BEND3: variants seen among roughly 807,000 people sequenced by gnomAD.
The protein encoded by BEND3 is BEN domain-containing protein 3.
A neutral mutation model predicts 60.1 loss-of-function variants in BEND3; 13 were observed. The observed-to-expected ratio is 0.22, with a 90% CI of 0.14 to 0.34. The LOEUF is 0.34. Ranked by LOEUF, BEND3 falls within the 10% of genes least tolerant of loss-of-function variation. The pLI is 1.00. For missense variants in BEND3, 896 were observed against 1,138.1 expected (o/e 0.79, Z 3.06); for synonymous variants, 497 against 491.5 (o/e 1.01, Z -0.15).
intron 1 of BEND3, among the ~76,000 whole-genome samples, chr6:107,105,838 C>T (rs1441749369): frequency 6.6e-6 from 1 of 152,190 alleles, no homozygotes; most frequent in Non-Finnish European, 1.5e-5. Flanking sequence ...CACTCAGGGG[C>T]AAATCCCCCT....
chr6:107,072,069 A>G (rs1340149294), intron 3 of BEND3, among the ~76,000 whole-genome samples: 1 of 152,202 alleles, frequency 6.6e-6, no homozygotes, highest in Non-Finnish European at 1.5e-5. Context: ...CGACCCAGAT[A>G]CTTATGTAAA....
intron 3 of BEND3, among the ~76,000 whole-genome samples, chr6:107,085,008 T>C (rs551916752): frequency 6.6e-6 from 1 of 152,350 alleles, no homozygotes; most frequent in East Asian, 1.9e-4. Flanking sequence ...TCTTTGGGTC[T>C]GCAGTACCTT....
chr6:107,082,936 T>A (rs1775263247), intron 3 of BEND3, among the ~76,000 whole-genome samples: 1 of 152,184 alleles, frequency 6.6e-6, no homozygotes, highest in African/African-American at 2.4e-5. Context: ...CTTTAGGAAA[T>A]TAACATACTG....
rs782401881 is a variant in BEND3 at position 107,068,684 on chromosome 6, T to G, written c.*20A>C. On this transcript the variant is annotated 3_prime_UTR_variant, in exon 4 of 4. Transcript: ENST00000369042. This position sits in a 1 kb window ranked among gnomAD's most constrained non-coding sequence, Gnocchi z 5.8. The stretch of plus-strand genomic sequence containing the variant: ...GCTCAGCCTCTGGTGACCCCGAATC[T>G]CTGGGCAGGTCACGGGCCTTCACTT... 1.2e-6 allele frequency: 2 copies of G among 1,604,466 alleles called. No individual in the cohort carries two copies. The highest frequency in any genetic ancestry group is 1.7e-6 in the Non-Finnish European group (2 of 1,175,502).
In BEND3 at chr6:107,066,768, G is replaced by GT. The variant is rs1361570708; in HGVS notation, c.*1935dup. 2.0e-5 allele frequency: 3 copies of GT among 152,648 alleles called. No homozygotes were observed. The highest frequency in any genetic ancestry group is 7.2e-5 in the African/African-American group (3 of 41,416). The allele number at this position is 152,648 out of a possible 1,614,324, so 9.5% of individuals were successfully genotyped here. ...CCACAGCTGTCTTTGGGTAGGGTGC[G>GT]TGTGTGTGCATGCTGTGTGCATGTG... On this transcript the variant is annotated 3_prime_UTR_variant, in exon 4 of 4. Transcript: ENST00000369042.
rs2115047581 is a variant in BEND3, at chr6:107,115,484, C to A, written c.-406G>T. ...GAGCTCGGGCGCGCACTCCCGGGAC[C>A]CAGGCGGCCCGGCGCGCTCGGCCAG... On this transcript the variant is annotated 5_prime_UTR_variant, in exon 1 of 4. Coordinates refer to ENST00000369042, the MANE Select transcript of BEND3 (RefSeq NM_001367314.1). 6.8e-6 allele frequency among the ~76,000 whole-genome samples: 1 copy of A among 147,086 alleles called. No individual in the cohort carries two copies. Among genetic ancestry groups the A allele is most frequent in the African/African-American group, 2.4e-5 (1 of 40,968 alleles).
At chr6:107,072,407 G>C (rs1775001976) in intron 3 of BEND3, among the ~76,000 whole-genome samples, 1 of 152,186 alleles carries the variant, frequency 6.6e-6, no homozygotes, top group Non-Finnish European at 1.5e-5. Flanking sequence ...GAGTAGCCAG[G>C]GCTTGGCAGT....
intron 1 of BEND3, 58 bp from the exon 2 acceptor site, chr6:107,099,354 T>C (rs1775658613): frequency 6.7e-7 from 1 of 1,497,316 alleles, no homozygotes; most frequent in Non-Finnish European, 9.3e-7. Context: ...TTCTTAATTT[T>C]CTCTACCCAC....
At chr6:107,106,853 C>T (rs572058895) in intron 1 of BEND3, among the ~76,000 whole-genome samples, 8 of 152,142 alleles carry the variant, frequency 5.3e-5, no homozygotes, top group Non-Finnish European at 5.9e-5. Flanking sequence ...AGCAACCCTC[C>T]GGCCTCAGCC....
chr6:107,087,050 A>G (rs1411942407), intron 3 of BEND3, among the ~76,000 whole-genome samples: 2 of 149,804 alleles, frequency 1.3e-5, no homozygotes, highest in Admixed American at 1.3e-4. Context: ...AAGAAAAAGA[A>G]AAAAAAACTA....
intron 2 of BEND3, 39 bp from the exon 3 acceptor site, chr6:107,098,792 A>G: frequency 6.4e-7 from 1 of 1,573,424 alleles, no homozygotes. Flanking sequence ...GGGAAAAACC[A>G]GGGCTGCTCA....
chr6:107,103,105 T>C (rs1225136716), intron 1 of BEND3, among the ~76,000 whole-genome samples: 2 of 152,216 alleles, frequency 1.3e-5, no homozygotes, highest in African/African-American at 4.8e-5. Context: ...ATTAGCACTC[T>C]GGAAAGTCAG....
rs1475200962 is a variant in BEND3 at position 107,070,090 on chromosome 6, G to A, written c.1101C>T (p.His367=). ...FFEAEQVDPG[H]FLDNKDQEEA... ...CCTCCTGGTCTTTGTTGTCCAGGAAGTGGCCGGGGTCCACCTGCTCTGCCT... is the reference window on the plus strand; with the variant it reads ...CCTCCTGGTCTTTGTTGTCCAGGAAATGGCCGGGGTCCACCTGCTCTGCCT... Residue 367 remains histidine, a synonymous_variant, in exon 4 of 4, where the codon CAC becomes CAT. Coordinates refer to ENST00000369042, the MANE Select transcript of BEND3 (RefSeq NM_001367314.1). This position sits in a 1 kb window ranked among gnomAD's most constrained non-coding sequence, Gnocchi z 6.9. 1 of 1,613,392 alleles carries A rather than the reference G, an allele frequency of 6.2e-7. No homozygotes were observed. Among genetic ancestry groups the A allele is most frequent in the African/African-American group, 1.3e-5 (1 of 74,930 alleles).
rs149382166 is a variant in BEND3, at chr6:107,069,931, G to A, written c.1260C>T (p.Pro420=). The change falls in exon 4 of 4, where the codon CCC becomes CCT. Residue 420 remains proline (P), a synonymous_variant. Coordinates refer to ENST00000369042, the MANE Select transcript of BEND3 (RefSeq NM_001367314.1). ...CCAGCTTGCGGTGGTCGAAGAGCTC[G>A]GGGAAGAGCCGGTGGAGGAGGAAGA... is the stretch of plus-strand genomic sequence containing the variant. ...FAVFLLHRLF[P]ELFDHRKLGE... is the part of the protein sequence containing the mutation. The A allele has an allele frequency of 9.9e-5, 160 of 1,613,924 alleles. No homozygotes were observed. In the African/African-American group the frequency reaches 1.5e-3, roughly 15 times the overall value.
At chr6:107,086,673 G>A (rs369118486) in intron 3 of BEND3, among the ~76,000 whole-genome samples, 22 of 152,002 alleles carry the variant, frequency 1.4e-4, no homozygotes, top group South Asian at 8.3e-4. Context: ...CCTCTCCCCC[G>A]ACATTATTGA....
intron 1 of BEND3, chr6:107,114,327 A>ACAACCAAGGCGCCGGGCCCG (rs1770209659): frequency 6.6e-6 from 1 of 152,048 alleles, no homozygotes; most frequent in Non-Finnish European, 1.5e-5. Flanking sequence ...GCCCGGGTGC[A>ACAACCAAGGCGCCGGGCCCG]CACCCAAGGC....
rs1438460283 is a variant in BEND3, at chr6:107,073,197, GTATGTATATATATATATA to G, written c.241-2265_241-2248del. On this transcript the variant is annotated intron_variant, in intron 3 of 3. Transcript: ENST00000369042. ...AATACTTCCTTCAGGGTTTGTATGT[GTATGTATATATATATATA>G]TATATATATATATATATATATATAT... Among the ~76,000 whole-genome samples, 64 of 30,216 alleles carry G rather than the reference GTATGTATATATATATATA, an allele frequency of 2.1e-3. 4 individuals are homozygous for G. Among genetic ancestry groups the G allele is most frequent in the East Asian group, 0.018 (30 of 1,640 alleles). The allele number at this position is 30,216 out of a possible 152,430, so 19.8% of individuals were successfully genotyped here. A position where few individuals can be genotyped will look rare whatever the true frequency, so the allele number is the denominator to read the frequency against.
At chr6:107,102,368 C>T (rs1408202648) in intron 1 of BEND3, among the ~76,000 whole-genome samples, 4 of 152,148 alleles carry the variant, frequency 2.6e-5, no homozygotes, top group Non-Finnish European at 5.9e-5. Context: ...AGGCTATTTT[C>T]TGAACCACCA....
intron 3 of BEND3, among the ~76,000 whole-genome samples, chr6:107,092,546 T>C (rs1399281688): frequency 1.3e-5 from 2 of 152,164 alleles, no homozygotes; most frequent in African/African-American, 4.8e-5. Context: ...AATCAGAAGG[T>C]TTCCCATGAA....
Sources: allele counts gnomAD v4.1 joint callset (sites outside exome capture counted in the v4.1 genomes callset), GRCh38; gene constraint gnomAD v4.1.1; non-coding constraint Gnocchi (gnomAD v3.1); transcripts MANE v1.5; gene names NCBI Gene and HGNC (gene_info 2026-07-23, HGNC 2026-07-21).